The following RBFOX1 variants were observed in gnomAD, a reference collection of about 807,000 sequenced individuals.
RBFOX1 encodes the protein RNA binding protein fox-1 homolog 1.
In RBFOX1, 8 loss-of-function variants were observed where a neutral mutation model predicts 57.7. The ratio of observed to expected loss-of-function variants is 0.14; its 90% CI spans 0.08 to 0.25. RBFOX1 has a LOEUF of 0.25. Ranked by LOEUF, RBFOX1 falls within the 10% of genes least tolerant of loss-of-function variation. The pLI is 1.00. For missense variants in RBFOX1, 611 were observed against 548.5 expected, an observed-to-expected ratio of 1.11 and a Z score of -1.14; for synonymous variants, 326 against 222.4, an observed-to-expected ratio of 1.47 and a Z score of -4.15.
chr16:6,394,438 G>A (rs184150771), intron 2 of RBFOX1, among the ~76,000 whole-genome samples: 38 of 152,074 alleles, frequency 2.5e-4, no homozygotes, highest in East Asian at 9.7e-4. Context: ...GTGGGAGTGG[G>A]GGAAGAAAGA....
chr16:7,653,873 G>C lies in RBFOX1; in HGVS notation c.816G>C (p.Leu272=). The change falls in exon 12 of 16, where the codon CTG becomes CTC. Residue 272 remains leucine (L), a synonymous_variant. Transcript: ENST00000550418. ...CGGCCGCCTACCGAGGGGCGCACCT[G>C]CGAGGCCGCGGTCGCACCGTGTACA... ...TAAAAYRGAH[L]RGRGRTVYNT... 6.2e-7 allele frequency: 1 copy of C among 1,603,614 alleles called. No individual in the cohort carries two copies. The highest frequency in any genetic ancestry group is 8.5e-7 in the Non-Finnish European group (1 of 1,179,092).
intron 4 of RBFOX1, among the ~76,000 whole-genome samples, chr16:7,213,204 C>T (rs1421652768): frequency 6.6e-6 from 1 of 152,152 alleles, no homozygotes; most frequent in Non-Finnish European, 1.5e-5. Context: ...TTACACGGAA[C>T]AATATCTGGG....
chr16:6,097,642 T>G lies in RBFOX1; in HGVS notation c.-127+77650T>G, dbSNP rs1224725385. ...ATGAGTCAGTAGGAGGAAAAGTGATTGACTCAAGTGCTTAATAAGTGTCTA... is the reference window on the plus strand; with the variant it reads ...ATGAGTCAGTAGGAGGAAAAGTGATGGACTCAAGTGCTTAATAAGTGTCTA... On this transcript the variant is annotated intron_variant, in intron 1 of 15. Coordinates refer to ENST00000550418, the MANE Select transcript of RBFOX1 (RefSeq NM_018723.4). This position sits in a 1 kb window ranked among gnomAD's most constrained non-coding sequence, Gnocchi z 5.0. 6.6e-6 allele frequency among the ~76,000 whole-genome samples: 1 copy of G among 152,184 alleles called. No individual in the cohort carries two copies. Among genetic ancestry groups the G allele is most frequent in the Non-Finnish European group, 1.5e-5 (1 of 68,034 alleles).
chr16:7,227,072 A>ATT (rs2093170826), intron 4 of RBFOX1, among the ~76,000 whole-genome samples: 1 of 152,048 alleles, frequency 6.6e-6, no homozygotes, highest in Non-Finnish European at 1.5e-5. Context: ...CAGCATTCTT[A>ATT]CCTGGCCAGT....
Position 7,369,171 on chromosome 16 carries a change from T to C in RBFOX1, c.28-148976T>C, listed in dbSNP as rs375557674. 4.6e-5 allele frequency among the ~76,000 whole-genome samples: 7 copies of C among 152,032 alleles called. No individual in the cohort carries two copies. In the East Asian group the frequency reaches 9.7e-4, roughly 21 times the overall value. ...GGTGGGACCCACAGTCTGCTTAATA[T>C]AGGAGATTGACTCCAAGTCTTGCCA... On this transcript the variant is annotated intron_variant, in intron 4 of 15. Coordinates refer to ENST00000550418, the MANE Select transcript of RBFOX1 (RefSeq NM_018723.4).
chr16:7,518,986 G>A (rs2076978638), intron 5 of RBFOX1, among the ~76,000 whole-genome samples: 1 of 152,178 alleles, frequency 6.6e-6, no homozygotes, highest in Admixed American at 6.5e-5. Flanking sequence ...TTGCTCCACT[G>A]AACTCCAGCC....
chr16:6,508,259 T>C (rs1026298670), intron 2 of RBFOX1, among the ~76,000 whole-genome samples: 25 of 152,030 alleles, frequency 1.6e-4, no homozygotes, highest in African/African-American at 5.8e-4. Context: ...AAATAACTAA[T>C]GGGTACTAGC....
At chr16:5,462,436 G>A (rs1430774978) in intron 1 of RBFOX1, among the ~76,000 whole-genome samples, 1 of 152,034 alleles carries the variant, frequency 6.6e-6, no homozygotes, top group Non-Finnish European at 1.5e-5. Flanking sequence ...CCAAAGTGCT[G>A]GGATTACAGG....
Position 6,054,600 on chromosome 16 carries a change from C to G in RBFOX1, c.-127+34608C>G, listed in dbSNP as rs111691843. On this transcript the variant is annotated intron_variant, in intron 1 of 15. Coordinates refer to ENST00000550418, the MANE Select transcript of RBFOX1 (RefSeq NM_018723.4). The stretch of plus-strand genomic sequence containing the variant: ...GATTCATATTGGGTCTATGGAGGTG[C>G]AAACTGGAGAAAAAAATCATGAGTT... 2.0e-3 allele frequency among the ~76,000 whole-genome samples: 311 copies of G among 152,200 alleles called. 1 individual carries two copies. Among genetic ancestry groups the G allele is most frequent in the African/African-American group, 7.1e-3 (293 of 41,528 alleles).
chr16:6,099,730 C>G (rs1330845601), intron 1 of RBFOX1, among the ~76,000 whole-genome samples: 1 of 152,158 alleles, frequency 6.6e-6, no homozygotes, highest in East Asian at 1.9e-4. Flanking sequence ...TGAGAGGAGA[C>G]TGTATACAGG....
intron 2 of RBFOX1, among the ~76,000 whole-genome samples, chr16:6,491,966 A>T (rs1194687135): frequency 6.6e-6 from 1 of 152,188 alleles, no homozygotes; most frequent in Non-Finnish European, 1.5e-5. Context: ...CAAATTATGC[A>T]AGTGGCTGGA....
At chr16:7,063,412 C>A (rs7202937) in intron 4 of RBFOX1, among the ~76,000 whole-genome samples, 2,602 of 152,176 alleles carry the variant, frequency 0.017, 77 homozygotes, top group African/African-American at 0.059. Context: ...TGTCTCTCTG[C>A]CAACTTCTTC....
chr16:7,447,545 C>A (rs2098818619), intron 4 of RBFOX1, among the ~76,000 whole-genome samples: 1 of 151,976 alleles, frequency 6.6e-6, no homozygotes, highest in South Asian at 2.1e-4. Flanking sequence ...TCTCTGAAGC[C>A]TAAGCCCAGT....
intron 1 of RBFOX1, among the ~76,000 whole-genome samples, chr16:5,315,294 A>C (rs1381551698): frequency 6.6e-6 from 1 of 152,192 alleles, no homozygotes. Context: ...TCTTAAGTCA[A>C]AATTAGCATT....
intron 2 of RBFOX1, among the ~76,000 whole-genome samples, chr16:6,636,174 G>A (rs1479781675): frequency 3.3e-5 from 5 of 152,012 alleles, no homozygotes; most frequent in Non-Finnish European, 5.9e-5. Context: ...TTGGATTTGG[G>A]ATTTTTTCTT....
At chr16:7,547,967 T>C (rs1360853692) in intron 5 of RBFOX1, among the ~76,000 whole-genome samples, 1 of 152,224 alleles carries the variant, frequency 6.6e-6, no homozygotes, top group African/African-American at 2.4e-5. Context: ...GGATAGACTT[T>C]AGTAGGCCCA....
intron 1 of RBFOX1, among the ~76,000 whole-genome samples, chr16:6,309,029 TACCC>T (rs1233504752): frequency 1.3e-5 from 2 of 152,062 alleles, no homozygotes; most frequent in Non-Finnish European, 2.9e-5. Flanking sequence ...TCTCACCCTA[TACCC>T]AGGAAGTTTT....
intron 2 of RBFOX1, among the ~76,000 whole-genome samples, chr16:5,583,868 C>G (rs1048317633): frequency 6.6e-6 from 1 of 152,148 alleles, no homozygotes; most frequent in East Asian, 1.9e-4. Context: ...CTGCCCCAGT[C>G]TAGAGCCCAT....
chr16:7,649,498 C>T (rs551067490), intron 11 of RBFOX1, among the ~76,000 whole-genome samples: 2 of 152,286 alleles, frequency 1.3e-5, no homozygotes, highest in Admixed American at 1.3e-4. Flanking sequence ...TTTTTCCTAG[C>T]CTTCACTTAC....
Sources: gnomAD v4.1 joint callset for allele counts (sites outside exome capture counted in the v4.1 genomes callset) on GRCh38, gnomAD v4.1.1 for gene constraint, Gnocchi (gnomAD v3.1) non-coding constraint, MANE v1.5 for transcripts, NCBI Gene and HGNC (gene_info 2026-07-23, HGNC 2026-07-21) for gene names.